Variants in PTPRN2 observed in about 807,000 individuals in gnomAD.
PTPRN2 encodes the protein protein tyrosine phosphatase receptor type N2.
PTPRN2 carries 74 observed loss-of-function variants against 118.8 expected under a neutral mutation model. The ratio of observed to expected loss-of-function variants is 0.62; its 90% CI spans 0.52 to 0.76. PTPRN2 has a LOEUF of 0.76. Among genes scored for constraint, PTPRN2 ranks in the 30% least tolerant of loss-of-function variants. The pLI, the probability that PTPRN2 is intolerant of heterozygous loss-of-function variation, is 0.00. For missense variants in PTPRN2, 1,481 were observed against 1,394.4 expected (o/e 1.06, Z -0.99); for synonymous variants, 641 against 608.0 (o/e 1.05, Z -0.80).
chr7:157,684,769 C>T (rs956272285), intron 12 of PTPRN2, among the ~76,000 whole-genome samples: 5 of 151,970 alleles, frequency 3.3e-5, no homozygotes, highest in African/African-American at 1.2e-4. Flanking sequence ...GCCGGCCACG[C>T]GCCACCTCCC....
intron 12 of PTPRN2, among the ~76,000 whole-genome samples, chr7:157,753,349 A>G (rs745342827): frequency 6.6e-6 from 1 of 152,160 alleles, no homozygotes; most frequent in Non-Finnish European, 1.5e-5. Flanking sequence ...TCATCGGGAA[A>G]GTTGAGAACT....
intron 5 of PTPRN2, among the ~76,000 whole-genome samples, chr7:158,191,616 T>G (rs1398929817): frequency 6.6e-6 from 1 of 152,172 alleles, no homozygotes; most frequent in African/African-American, 2.4e-5. Flanking sequence ...TTTACAAAAT[T>G]TACTGAGATT....
Position 157,897,629 on chromosome 7 carries a change from T to C in PTPRN2, c.1788+1044A>G, listed in dbSNP as rs545659725. ...TCATTTAACCCAGACGCAGCCATTT[T>C]CAAAGCCCTTCAGGCTATTCTTAAG... is the stretch of plus-strand genomic sequence containing the variant. On this transcript the variant is annotated intron_variant, in intron 12 of 22. Transcript: ENST00000389418. Among the ~76,000 whole-genome samples the C allele has an allele frequency of 1.9e-4, 29 of 152,356 alleles. 1 individual carries two copies. Among genetic ancestry groups the C allele is most frequent in the African/African-American group, 6.7e-4 (28 of 41,594 alleles).
At chr7:158,104,012 C>G (rs1232786979) in intron 10 of PTPRN2, among the ~76,000 whole-genome samples, 8 of 152,142 alleles carry the variant, frequency 5.3e-5, no homozygotes, top group Non-Finnish European at 5.9e-5. Flanking sequence ...CAGGCACCTG[C>G]CACCATGCCC....
intron 11 of PTPRN2, among the ~76,000 whole-genome samples, chr7:157,961,701 T>C (rs1159539519): frequency 6.6e-6 from 1 of 152,200 alleles, no homozygotes; most frequent in African/African-American, 2.4e-5. Context: ...GTTTCCTGAT[T>C]TGTAAAATGA....
chr7:157,601,319 T>G (rs1424423923), intron 16 of PTPRN2, among the ~76,000 whole-genome samples: 1 of 152,176 alleles, frequency 6.6e-6, no homozygotes, highest in Non-Finnish European at 1.5e-5. Context: ...GCCAGGGCCT[T>G]CCTTTGCTGT....
At chr7:158,350,704 G>A (rs952385783) in intron 2 of PTPRN2, among the ~76,000 whole-genome samples, 5 of 152,192 alleles carry the variant, frequency 3.3e-5, no homozygotes, top group Admixed American at 2.0e-4. Context: ...CCGGCCACTG[G>A]ATCCACGCCC....
At chr7:158,415,912 C>T (rs564126476) in intron 2 of PTPRN2, among the ~76,000 whole-genome samples, 2 of 152,300 alleles carry the variant, frequency 1.3e-5, no homozygotes, top group East Asian at 3.9e-4. Flanking sequence ...GGGTGGTCCC[C>T]TAGAAGCCCC....
At position 157,559,658 on chromosome 7, in the gene PTPRN2, C is replaced by T. The variant is rs530885189; in HGVS notation, c.2902+9244G>A. Among the ~76,000 whole-genome samples the T allele has an allele frequency of 7.7e-4, 117 of 152,272 alleles. 1 individual carries two copies. Among genetic ancestry groups the T allele is most frequent in the South Asian group, 1.7e-3 (8 of 4,824 alleles). Reference sequence around the variant, plus strand: ...GAATCAGGCAGGCAAGTGCGCAGGCCGGGCCAGCCTGGACCGTGGAGCTGT... The same window carrying T: ...GAATCAGGCAGGCAAGTGCGCAGGCTGGGCCAGCCTGGACCGTGGAGCTGT... On this transcript the variant is annotated intron_variant, in intron 21 of 22. Transcript: ENST00000389418.
At chr7:158,144,867 C>G (rs542275347) in intron 6 of PTPRN2, among the ~76,000 whole-genome samples, 8 of 152,340 alleles carry the variant, frequency 5.3e-5, no homozygotes, top group African/African-American at 1.9e-4. Context: ...ATTCCCCTCT[C>G]AAACCCACAC....
intron 2 of PTPRN2, among the ~76,000 whole-genome samples, chr7:158,353,224 T>C (rs1466386886): frequency 6.6e-6 from 1 of 152,208 alleles, no homozygotes; most frequent in African/African-American, 2.4e-5. Flanking sequence ...CTCTTGGCCC[T>C]GATGGGGCAC....
At chr7:158,122,129 A>T (rs1817224260) in intron 9 of PTPRN2, among the ~76,000 whole-genome samples, 1 of 152,192 alleles carries the variant, frequency 6.6e-6, no homozygotes, top group South Asian at 2.1e-4. Context: ...GCCGTAGAAG[A>T]GAAACAGGCA....
At chr7:157,945,661 C>A (rs1033359972) in intron 11 of PTPRN2, among the ~76,000 whole-genome samples, 14 of 151,230 alleles carry the variant, frequency 9.3e-5, no homozygotes, top group African/African-American at 2.4e-5. Flanking sequence ...ACGATGCCGC[C>A]TCCAGCTTGG....
chr7:157,884,462 G>A (rs565988734), intron 12 of PTPRN2, among the ~76,000 whole-genome samples: 5 of 152,348 alleles, frequency 3.3e-5, no homozygotes, highest in African/African-American at 4.8e-5. Flanking sequence ...CAGAGGGCTC[G>A]ACTGAGGGTG....
chr7:158,026,445 A>G lies in PTPRN2; in HGVS notation c.1723+54853T>C, dbSNP rs542199648. Among the ~76,000 whole-genome samples, 23 of 152,328 alleles carry G rather than the reference A, an allele frequency of 1.5e-4. No individual in the cohort carries two copies. In the East Asian group the frequency reaches 2.1e-3, roughly 14 times the overall value. ...GGCTGCCCTCAGATGCCAGCCGGAC[A>G]GCATGGCGTGGATTTTGGCGAAGCT... On this transcript the variant is annotated intron_variant, in intron 11 of 22. Coordinates refer to ENST00000389418, the MANE Select transcript of PTPRN2 (RefSeq NM_002847.5).
chr7:158,184,826 A>G (rs1825008962), intron 5 of PTPRN2, among the ~76,000 whole-genome samples: 1 of 152,206 alleles, frequency 6.6e-6, no homozygotes, highest in Admixed American at 6.5e-5. Flanking sequence ...AAGAAAAAAA[A>G]AAGATCTTCA....
intron 11 of PTPRN2, among the ~76,000 whole-genome samples, chr7:158,037,145 T>C (rs1361799823): frequency 2.0e-5 from 3 of 152,148 alleles, no homozygotes; most frequent in Middle Eastern, 3.2e-3. Flanking sequence ...ATCCTGATCA[T>C]GTTAAGCTAC....
intron 12 of PTPRN2, among the ~76,000 whole-genome samples, chr7:157,773,231 C>T (rs1257942386): frequency 5.9e-5 from 9 of 152,218 alleles, no homozygotes; most frequent in Admixed American, 2.6e-4. Flanking sequence ...GGACAAGCCT[C>T]CTTGGTCATG....
chr7:158,340,282 C>T (rs1219505365), intron 2 of PTPRN2, among the ~76,000 whole-genome samples: 1 of 96,416 alleles, frequency 1.0e-5, no homozygotes, highest in African/African-American at 3.7e-5. Flanking sequence ...ACATCACTCA[C>T]ACCCACATTC....
Sources: gnomAD v4.1 joint callset for allele counts (sites outside exome capture counted in the v4.1 genomes callset) on GRCh38, gnomAD v4.1.1 for gene constraint, MANE v1.5 for transcripts, NCBI Gene and HGNC (gene_info 2026-07-23, HGNC 2026-07-21) for gene names.